The following CACNA2D1 variants were observed in gnomAD, a reference collection of about 807,000 sequenced individuals.
CACNA2D1 encodes calcium voltage-gated channel auxiliary subunit alpha2delta 1.
In CACNA2D1, 53 loss-of-function variants were observed where a neutral mutation model predicts 171.5. The observed-to-expected ratio is 0.31, with a 90% CI of 0.25 to 0.39. The LOEUF (loss-of-function observed/expected upper bound fraction) is 0.39, where lower values mean the gene tolerates loss of function less well. Among genes scored for constraint, CACNA2D1 ranks in the 10% least tolerant of loss-of-function variants. The probability of loss-of-function intolerance (pLI) is 1.00; values close to 1 mark genes in which losing one functional copy is unlikely to be tolerated. For missense variants in CACNA2D1, 903 were observed against 1,299.8 expected (o/e 0.69, Z 4.69); for synonymous variants, 442 against 443.1 (o/e 1.00, Z 0.03).
intron 7 of CACNA2D1, among the ~76,000 whole-genome samples, chr7:82,075,195 C>T (rs1227167730): frequency 6.8e-6 from 1 of 147,146 alleles, no homozygotes; most frequent in Non-Finnish European, 1.5e-5. Flanking sequence ...CATGGTATTA[C>T]AGCTGAGGAT....
chr7:82,185,435 A>G (rs1379344494), intron 3 of CACNA2D1, among the ~76,000 whole-genome samples: 10 of 139,896 alleles, frequency 7.1e-5, no homozygotes, highest in Admixed American at 5.1e-4. Context: ...AAAAATAAAT[A>G]TCAACAATGG....
intron 1 of CACNA2D1, among the ~76,000 whole-genome samples, chr7:82,431,594 G>C (rs1486527828): frequency 6.6e-6 from 1 of 152,174 alleles, no homozygotes; most frequent in Non-Finnish European, 1.5e-5. Context: ...GCAGGTAAGT[G>C]TAGGAATCTA....
chr7:82,329,251 A>C (rs1449864160), intron 3 of CACNA2D1, among the ~76,000 whole-genome samples: 1 of 152,202 alleles, frequency 6.6e-6, no homozygotes, highest in African/African-American at 2.4e-5. Flanking sequence ...TCTAATCATA[A>C]GCTCAATATC....
rs142332349 is a variant in CACNA2D1, at chr7:82,075,634, C to G, written c.659-9110G>C. Among the ~76,000 whole-genome samples the G allele has an allele frequency of 4.4e-3, 664 of 152,220 alleles. 5 individuals carry two copies. The highest frequency in any genetic ancestry group is 0.02 in the South Asian group (96 of 4,820). Reference sequence around the variant, plus strand: ...TAAAAACATAAAACAAACTATGATTCTACAGGAACAAGTTTCCTAGTTCTG... The same window carrying G: ...TAAAAACATAAAACAAACTATGATTGTACAGGAACAAGTTTCCTAGTTCTG... On this transcript the variant is annotated intron_variant, in intron 7 of 38. Coordinates refer to ENST00000356860, the MANE Select transcript of CACNA2D1 (RefSeq NM_000722.4).
chr7:82,233,650 T>C (rs1803208978), intron 3 of CACNA2D1, among the ~76,000 whole-genome samples: 1 of 152,094 alleles, frequency 6.6e-6, no homozygotes, highest in South Asian at 2.1e-4. Flanking sequence ...TGAATACCTA[T>C]CAGTTGGCGC....
chr7:82,335,682 C>T (rs905175373), intron 2 of CACNA2D1, among the ~76,000 whole-genome samples: 10 of 151,966 alleles, frequency 6.6e-5, no homozygotes, highest in African/African-American at 1.7e-4. Flanking sequence ...TGCTACAGAA[C>T]GGAGAGAGAG....
At chr7:81,954,390 T>G (rs1792970709) in intron 38 of CACNA2D1, among the ~76,000 whole-genome samples, 1 of 152,018 alleles carries the variant, frequency 6.6e-6, no homozygotes, top group Non-Finnish European at 1.5e-5. Flanking sequence ...ACTGTGTTAT[T>G]AAAGATATCA....
chr7:82,236,098 G>T (rs1462909441), intron 3 of CACNA2D1, among the ~76,000 whole-genome samples: 2 of 151,298 alleles, frequency 1.3e-5, no homozygotes, highest in Non-Finnish European at 3.0e-5. Context: ...AAAATTCTCA[G>T]TTACACAGCA....
chr7:82,038,428 G>A (rs568362231), intron 10 of CACNA2D1, among the ~76,000 whole-genome samples, 193 bp from the exon 11 acceptor site: 4 of 152,258 alleles, frequency 2.6e-5, no homozygotes, highest in African/African-American at 9.6e-5. Flanking sequence ...ACCCATACTG[G>A]AACGCTGAGT....
At chr7:82,338,125 G>C (rs1027848514) in intron 2 of CACNA2D1, among the ~76,000 whole-genome samples, 1 of 152,004 alleles carries the variant, frequency 6.6e-6, no homozygotes, top group Non-Finnish European at 1.5e-5. Context: ...TAAGTCTACA[G>C]TTCCAAGATA....
intron 38 of CACNA2D1, among the ~76,000 whole-genome samples, chr7:81,951,973 T>TTTTTTTTTTTTTTTGTTTG (rs1562762526): frequency 1.4e-5 from 2 of 147,648 alleles, no homozygotes; most frequent in African/African-American, 5.0e-5. Context: ...CAAAGTGTTT[T>TTTTTTTTTTTTTTTGTTTG]TTTTTTTTTT....
intron 3 of CACNA2D1, among the ~76,000 whole-genome samples, chr7:82,305,871 G>C (rs911788487): frequency 2.0e-5 from 3 of 152,144 alleles, no homozygotes; most frequent in Non-Finnish European, 4.4e-5. Flanking sequence ...AGCTGCAGTC[G>C]AGGGAACTCA....
intron 3 of CACNA2D1, among the ~76,000 whole-genome samples, chr7:82,253,133 T>A (rs2129318583): frequency 6.6e-6 from 1 of 152,234 alleles, no homozygotes; most frequent in African/African-American, 2.4e-5. Flanking sequence ...GAAGAAGGGC[T>A]TATACTGGAT....
At chr7:82,407,023 T>C (rs1252361291) in intron 1 of CACNA2D1, among the ~76,000 whole-genome samples, 1 of 152,204 alleles carries the variant, frequency 6.6e-6, no homozygotes, top group Non-Finnish European at 1.5e-5. Context: ...TACCCCTCTA[T>C]AAATATGATA....
At chr7:82,354,307 A>T (rs1820185613) in intron 1 of CACNA2D1, among the ~76,000 whole-genome samples, 1 of 152,134 alleles carries the variant, frequency 6.6e-6, no homozygotes, top group Non-Finnish European at 1.5e-5. Context: ...ATCCTGCAAT[A>T]GGTAAGAAAT....
chr7:82,442,540 C>T (rs1830584330), intron 1 of CACNA2D1, among the ~76,000 whole-genome samples: 1 of 152,190 alleles, frequency 6.6e-6, no homozygotes, highest in Non-Finnish European at 1.5e-5. Context: ...TTTTCATTCC[C>T]TTCCTGTGGT....
chr7:82,420,447 T>C (rs73388016), intron 1 of CACNA2D1, among the ~76,000 whole-genome samples: 1,625 of 152,256 alleles, frequency 0.011, 31 homozygotes, highest in African/African-American at 0.035. Context: ...TAATTTCCAG[T>C]TTTCATGCAT....
chr7:82,130,876 A>C (rs1161660333), intron 5 of CACNA2D1, among the ~76,000 whole-genome samples: 2 of 144,740 alleles, frequency 1.4e-5, no homozygotes, highest in Non-Finnish European at 3.0e-5. Flanking sequence ...GGCTCACTGC[A>C]AGCTCCACCT....
chr7:82,389,103 G>A (rs1824775170), intron 1 of CACNA2D1, among the ~76,000 whole-genome samples: 1 of 149,556 alleles, frequency 6.7e-6, no homozygotes, highest in East Asian at 2.0e-4. Context: ...GCAACAGAGC[G>A]AGACTCCATC....
Sources: gnomAD v4.1 joint callset for allele counts (sites outside exome capture counted in the v4.1 genomes callset) on GRCh38, gnomAD v4.1.1 for gene constraint, MANE v1.5 for transcripts, NCBI Gene and HGNC (gene_info 2026-07-23, HGNC 2026-07-21) for gene names.